The following ZC2HC1A variants were observed in gnomAD, a reference collection of about 807,000 sequenced individuals.
The protein encoded by ZC2HC1A is zinc finger C2HC domain-containing protein 1A.
ZC2HC1A carries 28 observed loss-of-function variants against 40.7 expected under a neutral mutation model. The observed-to-expected ratio is 0.69, with a 90% CI of 0.51 to 0.94. The LOEUF is 0.94. ZC2HC1A is among the 40% of genes least tolerant of loss of function. ZC2HC1A has a pLI of 0.00. For missense variants in ZC2HC1A, 389 were observed against 386.3 expected, an observed-to-expected ratio of 1.01 and a Z score of -0.06; for synonymous variants, 129 against 129.2, an observed-to-expected ratio of 1.00 and a Z score of 0.01.
At chr8:78,687,819 ATATATTCATG>A (rs1563627070) in intron 4 of ZC2HC1A, among the ~76,000 whole-genome samples, 8 of 130,076 alleles carry the variant, frequency 6.2e-5, no homozygotes, top group African/African-American at 2.0e-4. Context: ...TAATAAATAT[ATATATTCATG>A]TAATAAATTA....
chr8:78,683,462 A>G (rs1244805278), intron 3 of ZC2HC1A, among the ~76,000 whole-genome samples: 3 of 152,194 alleles, frequency 2.0e-5, no homozygotes, highest in Non-Finnish European at 4.4e-5. Context: ...CTCTGAAGCC[A>G]TGGCTCAACT....
intron 8 of ZC2HC1A, among the ~76,000 whole-genome samples, chr8:78,716,837 A>G (rs995460937): frequency 6.6e-6 from 1 of 152,074 alleles, no homozygotes; most frequent in African/African-American, 2.4e-5. Flanking sequence ...TGTTCTTGTG[A>G]TAGTGAGTTC....
At chr8:78,683,541 C>A (rs1404433955) in intron 3 of ZC2HC1A, among the ~76,000 whole-genome samples, 1 of 152,176 alleles carries the variant, frequency 6.6e-6, no homozygotes, top group East Asian at 1.9e-4. Context: ...CTACGCTGCA[C>A]ACAGTAGGGG....
intron 7 of ZC2HC1A, among the ~76,000 whole-genome samples, chr8:78,705,906 C>G (rs1212579135): frequency 6.6e-6 from 1 of 152,010 alleles, no homozygotes; most frequent in Non-Finnish European, 1.5e-5. Flanking sequence ...CACTTTCGTC[C>G]CAGTTGGCTT....
Position 78,689,245 on chromosome 8 carries a change from C to A in ZC2HC1A, c.376C>A (p.Gln126Lys), listed in dbSNP as rs779257641. ...AGATTATATTCAATGTCCATATTGTCAGAGGAGATTCAATGAAAATGCAGC... is the reference window on the plus strand; with the variant it reads ...AGATTATATTCAATGTCCATATTGTAAGAGGAGATTCAATGAAAATGCAGC... ...DPDYIQCPYCQRRFNENAADR... is the reference protein window; with the variant it reads ...DPDYIQCPYCKRRFNENAADR... Residue 126 changes from glutamine (Q) to lysine (K), a missense_variant, in exon 5 of 9, where the codon CAG becomes AAG. Gln to Lys is a moderately conservative substitution (Grantham distance 53). Transcript: ENST00000263849. The A allele has an allele frequency of 1.3e-6, 2 of 1,585,884 alleles. No individual in the cohort carries two copies. The highest frequency in any genetic ancestry group is 3.5e-5 in the Admixed American group (2 of 56,504).
intron 1 of ZC2HC1A, 121 bp from the exon 2 acceptor site, chr8:78,675,666 C>T (rs1216238731): frequency 2.2e-5 from 19 of 867,132 alleles, no homozygotes; most frequent in Non-Finnish European, 2.9e-5. Context: ...TTTCAAAATG[C>T]AGTAAAACAT....
chr8:78,716,852 T>C (rs2130620253), intron 8 of ZC2HC1A, among the ~76,000 whole-genome samples: 1 of 152,256 alleles, frequency 6.6e-6, no homozygotes, highest in South Asian at 2.1e-4. Flanking sequence ...GAGTTCTCAA[T>C]GTATCTGATT....
At chr8:78,679,322 T>A (rs1809687766) in intron 3 of ZC2HC1A, 1 of 152,186 alleles carries the variant, frequency 6.6e-6, no homozygotes, top group African/African-American at 2.4e-5. Flanking sequence ...TTCCAGGGAC[T>A]CGCCTCTGAT....
At chr8:78,677,476 A>C (rs563330071) in intron 2 of ZC2HC1A, among the ~76,000 whole-genome samples, 1 of 152,282 alleles carries the variant, frequency 6.6e-6, no homozygotes, top group South Asian at 2.1e-4. Context: ...AGAAGGACAC[A>C]AATCAGACCA....
intron 7 of ZC2HC1A, among the ~76,000 whole-genome samples, chr8:78,708,672 C>CTTTTTTTTTCTTT (rs1563638249): frequency 2.8e-5 from 4 of 142,574 alleles, no homozygotes; most frequent in African/African-American, 2.6e-5. Context: ...AGATGATTAT[C>CTTTTTTTTTCTTT]TTTTTTTTTT....
chr8:78,689,454 C>G, intron 5 of ZC2HC1A, 81 bp downstream of exon 5: 1 of 1,311,800 alleles, frequency 7.6e-7, no homozygotes, highest in Non-Finnish European at 1.0e-6. Context: ...CTTTTCATGA[C>G]ATTAGACTAT....
At chr8:78,706,497 G>T (rs555630267) in intron 7 of ZC2HC1A, among the ~76,000 whole-genome samples, 1 of 152,126 alleles carries the variant, frequency 6.6e-6, no homozygotes, top group Non-Finnish European at 1.5e-5. Flanking sequence ...GCAAAGATCC[G>T]TTGGAGAAGC....
At chr8:78,695,304 A>G (rs948475050) in intron 5 of ZC2HC1A, among the ~76,000 whole-genome samples, 20 of 152,266 alleles carry the variant, frequency 1.3e-4, no homozygotes, top group African/African-American at 4.6e-4. Context: ...TTTTGGAGAC[A>G]TGTTCTGCCT....
chr8:78,692,939 C>G (rs922565508), intron 5 of ZC2HC1A, among the ~76,000 whole-genome samples: 3 of 151,974 alleles, frequency 2.0e-5, no homozygotes, highest in African/African-American at 7.3e-5. Context: ...TGTCCAAGTG[C>G]TCTCATTGTT....
At chr8:78,686,990 C>G (rs1810001287) in intron 4 of ZC2HC1A, among the ~76,000 whole-genome samples, 1 of 151,958 alleles carries the variant, frequency 6.6e-6, no homozygotes, top group South Asian at 2.1e-4. Flanking sequence ...ATCTTCTCAT[C>G]TGAGATTGAT....
intron 5 of ZC2HC1A, among the ~76,000 whole-genome samples, chr8:78,693,995 T>G (rs1448767884): frequency 3.3e-5 from 5 of 152,214 alleles, no homozygotes; most frequent in African/African-American, 1.2e-4. Flanking sequence ...AGGGAATCCT[T>G]TCCACATTTC....
intron 3 of ZC2HC1A, among the ~76,000 whole-genome samples, chr8:78,683,535 G>A (rs67988428): frequency 0.16 from 23,949 of 152,046 alleles, 2,052 homozygotes; most frequent in Middle Eastern, 0.3. Context: ...AAATCCCTAC[G>A]CTGCACACAG....
At chr8:78,681,901 C>CTTTTTTT (rs56181953) in intron 3 of ZC2HC1A, among the ~76,000 whole-genome samples, 11 of 126,464 alleles carry the variant, frequency 8.7e-5, no homozygotes, top group Non-Finnish European at 1.5e-4. Flanking sequence ...CTTTTTCTTT[C>CTTTTTTT]TTTTTTTTTT....
At chr8:78,671,179 A>G (rs909209689) in intron 1 of ZC2HC1A, among the ~76,000 whole-genome samples, 5 of 152,232 alleles carry the variant, frequency 3.3e-5, no homozygotes, top group Non-Finnish European at 5.9e-5. Flanking sequence ...ATTTGAAATA[A>G]AATCTTTATT....
Sources: allele counts gnomAD v4.1 joint callset (sites outside exome capture counted in the v4.1 genomes callset), GRCh38; gene constraint gnomAD v4.1.1; transcripts MANE v1.5; gene names NCBI Gene and HGNC (gene_info 2026-07-23, HGNC 2026-07-21).